The following ASAP1 variants were observed in gnomAD, a reference collection of about 807,000 sequenced individuals.
The protein encoded by ASAP1 is ArfGAP with SH3 domain, ankyrin repeat and PH domain 1.
In ASAP1, 43 loss-of-function variants were observed where a neutral mutation model predicts 145.2. That is an observed-to-expected ratio of 0.30 (90% confidence interval 0.23 to 0.38). The LOEUF (loss-of-function observed/expected upper bound fraction) is 0.38, where lower values mean the gene tolerates loss of function less well. Ranked by LOEUF, ASAP1 falls within the 10% of genes least tolerant of loss-of-function variation. ASAP1 has a pLI of 1.00. For missense variants in ASAP1, 1,018 were observed against 1,355.3 expected (o/e 0.75, Z 3.91); for synonymous variants, 546 against 515.5 (o/e 1.06, Z -0.80).
At chr8:130,253,686 T>C (rs1819342346) in intron 3 of ASAP1, among the ~76,000 whole-genome samples, 1 of 152,178 alleles carries the variant, frequency 6.6e-6, no homozygotes, top group Non-Finnish European at 1.5e-5. Context: ...TGTATGTACA[T>C]GTATATAGAT....
chr8:130,274,393 A>C (rs1362008510), intron 3 of ASAP1, among the ~76,000 whole-genome samples: 1 of 152,120 alleles, frequency 6.6e-6, no homozygotes, highest in African/African-American at 2.4e-5. Flanking sequence ...AGAAATGGGG[A>C]GGTTACTATG....
intron 3 of ASAP1, among the ~76,000 whole-genome samples, chr8:130,318,520 T>C (rs1036118641): frequency 5.3e-5 from 8 of 152,218 alleles, no homozygotes; most frequent in Admixed American, 2.6e-4. Context: ...TTCATTTTCA[T>C]AGCAACACAA....
At chr8:130,370,322 C>A (rs1049907518) in intron 2 of ASAP1, among the ~76,000 whole-genome samples, 16 of 151,818 alleles carry the variant, frequency 1.1e-4, no homozygotes, top group Middle Eastern at 3.4e-3. Flanking sequence ...AACAAACAAA[C>A]AAAAAAAACA....
At chr8:130,292,073 G>A (rs532715704) in intron 3 of ASAP1, among the ~76,000 whole-genome samples, 1 of 152,228 alleles carries the variant, frequency 6.6e-6, no homozygotes, top group Admixed American at 6.5e-5. Flanking sequence ...AAGAATTTGA[G>A]TTTTATTTCC....
At chr8:130,286,195 C>T (rs1352625905) in intron 3 of ASAP1, among the ~76,000 whole-genome samples, 1 of 152,216 alleles carries the variant, frequency 6.6e-6, no homozygotes, top group Non-Finnish European at 1.5e-5. Flanking sequence ...AGGTTTTAGA[C>T]ACCAGGACCA....
At chr8:130,131,047 C>G (rs1027610618) in intron 15 of ASAP1, among the ~76,000 whole-genome samples, 1 of 152,112 alleles carries the variant, frequency 6.6e-6, no homozygotes, top group Non-Finnish European at 1.5e-5. Flanking sequence ...GTTCCAGGTA[C>G]TCGCGAGGCT....
At chr8:130,116,798 A>C (rs1177613900) in intron 21 of ASAP1, 53 bp from the exon 22 acceptor site, 13 of 1,593,458 alleles carry the variant, frequency 8.2e-6, no homozygotes, top group Non-Finnish European at 1.1e-5. Context: ...CACCTTAAGA[A>C]GGCAAGGAAC....
intron 3 of ASAP1, among the ~76,000 whole-genome samples, chr8:130,300,097 A>G (rs1391503621): frequency 2.0e-5 from 3 of 149,410 alleles, no homozygotes; most frequent in African/African-American, 7.4e-5. Context: ...TGGCCAAACA[A>G]GAAGTAAAAG....
chr8:130,182,894 A>G (rs1328711816), intron 7 of ASAP1, among the ~76,000 whole-genome samples: 2 of 151,256 alleles, frequency 1.3e-5, no homozygotes, highest in Non-Finnish European at 3.0e-5. Context: ...AATGACAGCC[A>G]AAATAAAAAA....
intron 3 of ASAP1, among the ~76,000 whole-genome samples, chr8:130,352,531 G>A (rs1826060407): frequency 6.6e-6 from 1 of 152,196 alleles, no homozygotes; most frequent in Non-Finnish European, 1.5e-5. Flanking sequence ...AAACTTAAAT[G>A]GAAGGTGAGG....
chr8:130,234,563 G>A (rs1225967077), intron 4 of ASAP1, among the ~76,000 whole-genome samples: 1 of 152,138 alleles, frequency 6.6e-6, no homozygotes, highest in Non-Finnish European at 1.5e-5. Context: ...TGTGATCAAG[G>A]AAATCCTTTA....
chr8:130,058,856 C>G (rs147967286), intron 28 of ASAP1, among the ~76,000 whole-genome samples: 1 of 152,164 alleles, frequency 6.6e-6, no homozygotes, highest in Admixed American at 6.5e-5. Context: ...AGCTGCTTTC[C>G]GAGCTCCCTT....
chr8:130,354,773 C>T (rs898153698), intron 3 of ASAP1, among the ~76,000 whole-genome samples: 17 of 152,210 alleles, frequency 1.1e-4, no homozygotes, highest in Non-Finnish European at 2.2e-4. Context: ...TTCCTGCCTC[C>T]CCAAGGTAGC....
intron 13 of ASAP1, among the ~76,000 whole-genome samples, chr8:130,144,918 G>T (rs1054460349): frequency 3.9e-5 from 6 of 152,182 alleles, no homozygotes; most frequent in Admixed American, 3.9e-4. Flanking sequence ...AGATCTCCAA[G>T]AAAATGTTTT....
At chr8:130,136,042 T>C (rs1426128920) in intron 14 of ASAP1, among the ~76,000 whole-genome samples, 2 of 152,120 alleles carry the variant, frequency 1.3e-5, no homozygotes, top group African/African-American at 4.8e-5. Context: ...TGGCTGTGGG[T>C]CTGCCTTGCT....
chr8:130,340,216 C>G (rs570267847), intron 3 of ASAP1, among the ~76,000 whole-genome samples: 3 of 152,148 alleles, frequency 2.0e-5, no homozygotes, highest in Non-Finnish European at 2.9e-5. Context: ...TCCCACACAT[C>G]TGTGTGAAAA....
At chr8:130,297,592 G>A (rs560991083) in intron 3 of ASAP1, among the ~76,000 whole-genome samples, 27 of 152,138 alleles carry the variant, frequency 1.8e-4, no homozygotes, top group Non-Finnish European at 2.9e-4. Context: ...AGTGCAGGAC[G>A]ACTATCTCCC....
At chr8:130,273,435 C>G (rs1418290788) in intron 3 of ASAP1, among the ~76,000 whole-genome samples, 2 of 152,152 alleles carry the variant, frequency 1.3e-5, no homozygotes, top group African/African-American at 4.8e-5. Flanking sequence ...CAGGAGGCAT[C>G]AGCAAGGAAC....
At chr8:130,205,282 C>A (rs1035795609) in intron 5 of ASAP1, among the ~76,000 whole-genome samples, 1 of 150,186 alleles carries the variant, frequency 6.7e-6, no homozygotes, top group Non-Finnish European at 1.5e-5. Context: ...TAGACAAGTG[C>A]TATGAACAAC....
Sources: allele counts gnomAD v4.1 joint callset (sites outside exome capture counted in the v4.1 genomes callset), GRCh38; gene constraint gnomAD v4.1.1; transcripts MANE v1.5; gene names NCBI Gene and HGNC (gene_info 2026-07-23, HGNC 2026-07-21).